CTSC: variants seen among roughly 807,000 people sequenced by gnomAD.
The protein encoded by CTSC is dipeptidyl peptidase 1.
Under a neutral mutation model 40.9 loss-of-function variants are expected in CTSC, and 37 were observed. The observed-to-expected ratio is 0.91, with a 90% CI of 0.70 to 1.19. The LOEUF is 1.19. Ranked by LOEUF, CTSC falls within the 50% of genes most tolerant of loss-of-function variation. CTSC has a pLI of 0.00. For missense variants in CTSC, 594 were observed against 567.3 expected, an observed-to-expected ratio of 1.05 and a Z score of -0.48; for synonymous variants, 232 against 207.4, an observed-to-expected ratio of 1.12 and a Z score of -1.02.
At chr11:88,309,440 G>T in intron 3 of CTSC, 122 bp from the exon 4 acceptor site, 1 of 858,832 alleles carries the variant, frequency 1.2e-6, no homozygotes, top group Non-Finnish European at 2.0e-6. Flanking sequence ...GAAGGTAATT[G>T]GCAATATGTA....
chr11:88,319,341 T>C (rs1937946473), intron 2 of CTSC, among the ~76,000 whole-genome samples: 1 of 152,278 alleles, frequency 6.6e-6, no homozygotes, highest in Non-Finnish European at 1.5e-5. Flanking sequence ...TAGACATCAA[T>C]AAAGCAAATG....
intron 2 of CTSC, among the ~76,000 whole-genome samples, chr11:88,319,317 ATTT>A (rs889621832): frequency 8.6e-5 from 13 of 151,892 alleles, no homozygotes; most frequent in African/African-American, 3.1e-4. Flanking sequence ...TCACTATAAT[ATTT>A]TTTTTAGTCC....
chr11:88,330,174 T>G lies in CTSC; in HGVS notation c.318+4763A>C, dbSNP rs527258916. The stretch of plus-strand genomic sequence containing the variant: ...CAGTGTTTTAAAGGAAATTTGAATT[T>G]GAATGCCTCTAAGACTGTTTCCATC... On this transcript the variant is annotated intron_variant, in intron 2 of 6. Transcript: ENST00000227266. 2.0e-5 allele frequency among the ~76,000 whole-genome samples: 3 copies of G among 152,328 alleles called. No individual in the cohort carries two copies. In the East Asian group the frequency reaches 5.8e-4, roughly 29 times the overall value.
At chr11:88,325,732 T>C (rs1328545967) in intron 2 of CTSC, 21 of 985,260 alleles carry the variant, frequency 2.1e-5, no homozygotes, top group South Asian at 9.4e-5. Context: ...TACGATACCA[T>C]CTTTCTGGCC....
intron 2 of CTSC, among the ~76,000 whole-genome samples, chr11:88,330,541 G>A (rs773261251): frequency 2.6e-5 from 4 of 151,902 alleles, no homozygotes; most frequent in Non-Finnish European, 2.9e-5. Context: ...TAGAGACGGG[G>A]TTTCTTCATG....
At chr11:88,322,328 T>C (rs1185597740) in intron 2 of CTSC, 1 of 152,220 alleles carries the variant, frequency 6.6e-6, no homozygotes, top group Non-Finnish European at 1.5e-5. Context: ...CCCATTCCTA[T>C]GTCCAGAATG....
intron 2 of CTSC, among the ~76,000 whole-genome samples, chr11:88,320,120 T>C (rs1179868568): frequency 6.6e-6 from 1 of 152,202 alleles, no homozygotes; most frequent in Non-Finnish European, 1.5e-5. Context: ...TTAACTGGAC[T>C]GAACCATGCA....
intron 4 of CTSC, among the ~76,000 whole-genome samples, chr11:88,305,189 C>T (rs1386849066): frequency 1.3e-5 from 2 of 152,166 alleles, no homozygotes; most frequent in African/African-American, 4.8e-5. Flanking sequence ...GTTTAGCATA[C>T]AATCAAGAAA....
intron 2 of CTSC, among the ~76,000 whole-genome samples, chr11:88,313,580 T>C (rs911254266): frequency 6.6e-6 from 1 of 152,126 alleles, no homozygotes; most frequent in African/African-American, 2.4e-5. Context: ...GTCACCCTCA[T>C]GTTAGAACAT....
At chr11:88,327,784 A>T (rs1159331345) in intron 2 of CTSC, 4 of 355,510 alleles carry the variant, frequency 1.1e-5, no homozygotes, top group East Asian at 1.3e-4. Context: ...CTACTTTACG[A>T]ATGTGAACTG....
At chr11:88,319,496 T>A (rs1343766028) in intron 2 of CTSC, among the ~76,000 whole-genome samples, 1 of 152,108 alleles carries the variant, frequency 6.6e-6, no homozygotes. Context: ...TTAAAACACA[T>A]CAGAAAATTT....
intron 4 of CTSC, among the ~76,000 whole-genome samples, chr11:88,308,234 T>A (rs1937677636): frequency 1.3e-5 from 2 of 152,200 alleles, no homozygotes; most frequent in African/African-American, 2.4e-5. Context: ...TAAATGACAA[T>A]GGGCCTTGCC....
At chr11:88,298,088 G>T (rs982957582) in intron 5 of CTSC, 2 of 151,928 alleles carry the variant, frequency 1.3e-5, no homozygotes, top group Non-Finnish European at 2.9e-5. Context: ...TTAATCTTTT[G>T]TGTAAAATGA....
intron 1 of CTSC, among the ~76,000 whole-genome samples, chr11:88,335,310 A>T (rs1368657666): frequency 6.6e-6 from 1 of 152,062 alleles, no homozygotes; most frequent in African/African-American, 2.4e-5. Context: ...TAATGCAAGC[A>T]GAAGCAGTGG....
rs772060942 is a variant in CTSC, at chr11:88,293,966, C to T, written c.*40G>A. On this transcript the variant is annotated 3_prime_UTR_variant, in exon 7 of 7. Transcript: ENST00000227266. ...CTGTGAATATACCAATTCCCCTTTA[C>T]AACTGATGCAGATCATTATGAAATA... 6.2e-7 allele frequency: 1 copy of T among 1,609,224 alleles called. No homozygotes were observed. Among genetic ancestry groups the T allele is most frequent in the South Asian group, 1.1e-5 (1 of 91,014 alleles).
chr11:88,337,427 A>C, intron 1 of CTSC, 74 bp downstream of exon 1: 3 of 1,416,500 alleles, frequency 2.1e-6, no homozygotes, highest in Non-Finnish European at 2.9e-6. Flanking sequence ...GGGAAGCGGT[A>C]GTTGGCGTGG....
chr11:88,325,458 T>C, intron 2 of CTSC: 1 of 985,426 alleles, frequency 1.0e-6, no homozygotes, highest in South Asian at 4.7e-5. Context: ...AATCCAAATA[T>C]GCCTCTAAAT....
chr11:88,337,725 C>A lies in CTSC; in HGVS notation c.-53G>T, dbSNP rs1385408611. The A allele has an allele frequency of 1.9e-6, 3 of 1,545,140 alleles. No homozygotes were observed. The highest frequency in any genetic ancestry group is 2.0e-5 in the Admixed American group (1 of 51,038). On this transcript the variant is annotated 5_prime_UTR_variant, in exon 1 of 7. Coordinates refer to ENST00000227266, the MANE Select transcript of CTSC (RefSeq NM_001814.6). ...AGAATTACCAGGAAGCCGAGCGCTGCGGGCTAGCGGTGAGTCCACCACGAG... is the reference window on the plus strand; with the variant it reads ...AGAATTACCAGGAAGCCGAGCGCTGAGGGCTAGCGGTGAGTCCACCACGAG...
chr11:88,309,323 C>T lies in CTSC; in HGVS notation c.486-5G>A. On this transcript the variant is annotated splice_polypyrimidine_tract_variant and splice_region_variant and intron_variant, in intron 3 of 6. Transcript: ENST00000227266. Reference sequence around the variant, plus strand: ...TTGTAGAGCCTATTAGAATACCTGTCCCCAAAAATGAGATAATTTCAGATA... The same window carrying T: ...TTGTAGAGCCTATTAGAATACCTGTTCCCAAAAATGAGATAATTTCAGATA... 2.5e-6 allele frequency: 4 copies of T among 1,610,692 alleles called. No individual in the cohort carries two copies. Among genetic ancestry groups the T allele is most frequent in the Non-Finnish European group, 3.4e-6 (4 of 1,177,092 alleles).
Sources: gnomAD v4.1 joint callset for allele counts (sites outside exome capture counted in the v4.1 genomes callset) on GRCh38, gnomAD v4.1.1 for gene constraint, MANE v1.5 for transcripts, NCBI Gene and HGNC (gene_info 2026-07-23, HGNC 2026-07-21) for gene names.